PHF24: variants seen among roughly 807,000 people sequenced by gnomAD.
PHF24 encodes Galpha inhibitory interacting protein.
A neutral mutation model predicts 42.6 loss-of-function variants in PHF24; 25 were observed. That is an observed-to-expected ratio of 0.59 (90% CI 0.43 to 0.82). The LOEUF (loss-of-function observed/expected upper bound fraction) is 0.82. Ranked by LOEUF, PHF24 falls within the 40% of genes least tolerant of loss-of-function variation. PHF24 has a pLI of 0.00. For missense variants in PHF24, 470 were observed against 538.1 expected (o/e 0.87, Z 1.25); for synonymous variants, 185 against 204.8 (o/e 0.90, Z 0.83).
the PHF24 span, among the ~76,000 whole-genome samples, chr9:34,867,388 G>A: frequency 1.3e-5 from 2 of 152,032 alleles, no homozygotes; most frequent in African/African-American, 2.4e-5. Context: ...CTGTTTTCTT[G>A]GACAAACAGA....
the PHF24 span, among the ~76,000 whole-genome samples, chr9:34,929,136 C>T: frequency 6.6e-6 from 1 of 152,190 alleles, no homozygotes; most frequent in Non-Finnish European, 1.5e-5. Context: ...CACCCTTCTC[C>T]CTATCTGAAT....
chr9:34,754,564 G>A, the PHF24 span, among the ~76,000 whole-genome samples: 3 of 152,116 alleles, frequency 2.0e-5, no homozygotes, highest in African/African-American at 7.2e-5. Flanking sequence ...AGAAATAGCT[G>A]GCAAGGATGT....
chr9:34,950,307 C>T, the PHF24 span, among the ~76,000 whole-genome samples: 18 of 145,098 alleles, frequency 1.2e-4, no homozygotes, highest in African/African-American at 4.6e-4. Context: ...GAGATTGTGC[C>T]ACTGCACTCC....
the PHF24 span, among the ~76,000 whole-genome samples, chr9:34,733,432 T>G: frequency 1.3e-5 from 2 of 152,106 alleles, no homozygotes; most frequent in African/African-American, 4.8e-5. Flanking sequence ...TAATGAGTTT[T>G]TGCCACATGT....
intron 4 of PHF24, 41 bp downstream of exon 4, chr9:34,976,271 C>T (rs774549456): frequency 2.3e-5 from 34 of 1,496,546 alleles, no homozygotes; most frequent in Non-Finnish European, 2.9e-5. Context: ...AGGGGCCGGG[C>T]AGATTTCTCC....
chr9:34,676,012 C>T, the PHF24 span, among the ~76,000 whole-genome samples: 70 of 151,936 alleles, frequency 4.6e-4, no homozygotes, highest in Admixed American at 1.7e-3. Context: ...GTAGGTGGGG[C>T]GGGGAAAGGG....
the PHF24 span, among the ~76,000 whole-genome samples, chr9:34,851,557 G>A: frequency 6.6e-6 from 1 of 152,166 alleles, no homozygotes. Context: ...CACTTCCCGA[G>A]TGAGGCAATG....
the PHF24 span, among the ~76,000 whole-genome samples, chr9:34,914,618 T>C: frequency 6.6e-6 from 1 of 152,310 alleles, no homozygotes; most frequent in African/African-American, 2.4e-5. Flanking sequence ...ATGAATCTCA[T>C]GTCGGTTCTG....
the PHF24 span, among the ~76,000 whole-genome samples, chr9:34,951,417 T>A: frequency 5.3e-5 from 8 of 152,214 alleles, no homozygotes; most frequent in Non-Finnish European, 1.0e-4. Context: ...GGCTCTATAA[T>A]CATAAGTGTC....
the PHF24 span, chr9:34,726,027 T>C: frequency 1.3e-6 from 2 of 1,538,124 alleles, no homozygotes; most frequent in Admixed American, 2.0e-5. Flanking sequence ...CTTAGGGCTT[T>C]AAGGGCTGGA....
the PHF24 span, among the ~76,000 whole-genome samples, chr9:34,902,203 A>G: frequency 2.6e-5 from 4 of 152,194 alleles, no homozygotes; most frequent in Non-Finnish European, 4.4e-5. Context: ...CCTTGAAAAT[A>G]TGTTACTATG....
At chr9:34,784,508 G>A in the PHF24 span, among the ~76,000 whole-genome samples, 15 of 152,340 alleles carry the variant, frequency 9.8e-5, no homozygotes, top group Admixed American at 5.2e-4. Flanking sequence ...TATGGTAGGT[G>A]CAGGGAGACA....
At chr9:34,755,159 A>G in the PHF24 span, among the ~76,000 whole-genome samples, 46 of 152,298 alleles carry the variant, frequency 3.0e-4, no homozygotes, top group Middle Eastern at 3.4e-3. Context: ...CAGAGTGACT[A>G]TAGTCAATAA....
chr9:34,853,587 G>C, the PHF24 span, among the ~76,000 whole-genome samples: 3 of 152,020 alleles, frequency 2.0e-5, no homozygotes, highest in Non-Finnish European at 2.9e-5. Context: ...CCAGCACTTT[G>C]GGAGGCCGAG....
the PHF24 span, among the ~76,000 whole-genome samples, chr9:34,931,857 G>C: frequency 6.6e-6 from 1 of 152,214 alleles, no homozygotes; most frequent in Non-Finnish European, 1.5e-5. Context: ...TCAGCCTGGG[G>C]AGATACTGGT....
At chr9:34,845,838 G>C in the PHF24 span, among the ~76,000 whole-genome samples, 1 of 147,302 alleles carries the variant, frequency 6.8e-6, no homozygotes, top group African/African-American at 2.5e-5. Flanking sequence ...CTATGAGTGA[G>C]AATATGCGGT....
At chr9:34,771,863 C>T in the PHF24 span, among the ~76,000 whole-genome samples, 13 of 152,130 alleles carry the variant, frequency 8.5e-5, no homozygotes, top group South Asian at 4.1e-4. Context: ...GGTAAGGTTG[C>T]GGAGGCTTCA....
At chr9:34,710,490 A>T in the PHF24 span, among the ~76,000 whole-genome samples, 28 of 132,750 alleles carry the variant, frequency 2.1e-4, no homozygotes, top group African/African-American at 7.7e-4. Flanking sequence ...TTTTTTTGAG[A>T]CAGGGTCTAA....
the PHF24 span, among the ~76,000 whole-genome samples, chr9:34,852,969 A>G: frequency 6.6e-6 from 1 of 152,114 alleles, no homozygotes; most frequent in Non-Finnish European, 1.5e-5. Context: ...CCTATTATTT[A>G]TTTAAATAAG....
Sources: allele counts gnomAD v4.1 joint callset (sites outside exome capture counted in the v4.1 genomes callset), GRCh38; gene constraint gnomAD v4.1.1; transcripts MANE v1.5; gene names NCBI Gene and HGNC (gene_info 2026-07-23, HGNC 2026-07-21).